Variants in FANK1 observed in about 807,000 individuals in gnomAD.
FANK1 encodes fibronectin type III and ankyrin repeat domains 1.
In FANK1, 44 loss-of-function variants were observed where a neutral mutation model predicts 45.3. The observed-to-expected ratio is 0.97, with a 90% CI of 0.76 to 1.25. The LOEUF (loss-of-function observed/expected upper bound fraction) is 1.25. Among genes scored for constraint, FANK1 ranks in the 50% most tolerant of loss-of-function variants. The pLI is 0.00. For missense variants in FANK1, 391 were observed against 424.4 expected, an observed-to-expected ratio of 0.92 and a Z score of 0.69; for synonymous variants, 149 against 152.5, an observed-to-expected ratio of 0.98 and a Z score of 0.17.
At chr10:125,902,272 T>TAA (rs1035166810) in intron 1 of FANK1, among the ~76,000 whole-genome samples, 2 of 152,168 alleles carry the variant, frequency 1.3e-5, no homozygotes, top group Non-Finnish European at 2.9e-5. Context: ...AATAATTAAA[T>TAA]AAAAAATTCT....
intron 1 of FANK1, among the ~76,000 whole-genome samples, chr10:125,955,005 G>A (rs551865386): frequency 9.9e-5 from 15 of 151,952 alleles, no homozygotes; most frequent in African/African-American, 2.9e-4. Flanking sequence ...AACAACTGCC[G>A]ACACTCATAA....
intron 1 of FANK1, among the ~76,000 whole-genome samples, chr10:125,949,266 C>T (rs981797248): frequency 2.0e-5 from 3 of 149,984 alleles, no homozygotes; most frequent in Admixed American, 6.6e-5. Flanking sequence ...AAGTTCTGGC[C>T]AGGGCAATTA....
At chr10:125,988,183 G>T (rs1386753001) in intron 2 of FANK1, among the ~76,000 whole-genome samples, 1 of 152,180 alleles carries the variant, frequency 6.6e-6, no homozygotes, top group African/African-American at 2.4e-5. Flanking sequence ...CCCATCACTA[G>T]ATGGCCCCCA....
chr10:126,001,307 G>T (rs1402937114), intron 6 of FANK1, among the ~76,000 whole-genome samples: 3 of 152,162 alleles, frequency 2.0e-5, no homozygotes, highest in Admixed American at 2.0e-4. Context: ...TATTTAGTAT[G>T]CCAATGCTGT....
At chr10:125,923,886 G>T (rs1031567928) in intron 1 of FANK1, among the ~76,000 whole-genome samples, 20 of 152,230 alleles carry the variant, frequency 1.3e-4, no homozygotes, top group African/African-American at 4.8e-4. Context: ...TCCTGTGCAA[G>T]ATTGTTTTTT....
intron 1 of FANK1, chr10:125,973,348 T>C (rs1181881577): frequency 4.0e-6 from 3 of 757,342 alleles, no homozygotes; most frequent in Non-Finnish European, 3.2e-6. Context: ...CATAACAGTC[T>C]ACCATTCCTG....
chr10:125,932,112 A>G (rs1264198906), intron 1 of FANK1, among the ~76,000 whole-genome samples: 2 of 152,124 alleles, frequency 1.3e-5, no homozygotes, highest in Non-Finnish European at 2.9e-5. Flanking sequence ...GCCTTATAGT[A>G]TAGTTTGAAA....
At chr10:125,926,384 C>G (rs201571297) in intron 1 of FANK1, among the ~76,000 whole-genome samples, 1,773 of 125,568 alleles carry the variant, frequency 0.014, no homozygotes, top group African/African-American at 0.054. Flanking sequence ...ACCACCATCA[C>G]CATCGTCAAG....
intron 1 of FANK1, among the ~76,000 whole-genome samples, chr10:125,956,366 A>T (rs10901477): frequency 0.37 from 56,098 of 152,110 alleles, 10,814 homozygotes; most frequent in Non-Finnish European, 0.44. Context: ...TTTATTGGAG[A>T]TATCCCTTGC....
At chr10:125,940,332 A>G (rs1035792171) in intron 1 of FANK1, among the ~76,000 whole-genome samples, 4 of 152,134 alleles carry the variant, frequency 2.6e-5, no homozygotes, top group African/African-American at 7.2e-5. Context: ...GGAGAAAGCA[A>G]GAAAACATGT....
At chr10:125,964,003 G>A (rs961801696) in intron 1 of FANK1, among the ~76,000 whole-genome samples, 64 of 152,170 alleles carry the variant, frequency 4.2e-4, no homozygotes, top group African/African-American at 1.5e-3. Flanking sequence ...CATGTATGCA[G>A]TACTTTGTTC....
intron 1 of FANK1, among the ~76,000 whole-genome samples, chr10:125,919,578 C>G (rs1327456453): frequency 6.6e-6 from 1 of 151,846 alleles, no homozygotes; most frequent in Non-Finnish European, 1.5e-5. Flanking sequence ...TTGAATAAGG[C>G]AGAATACTAA....
chr10:125,906,619 A>G (rs891983626), intron 1 of FANK1, among the ~76,000 whole-genome samples: 4 of 151,288 alleles, frequency 2.6e-5, no homozygotes, highest in Non-Finnish European at 4.4e-5. Flanking sequence ...CCAGTGCATT[A>G]GCAGTTAGCT....
At chr10:125,941,886 A>G (rs1948473599) in intron 1 of FANK1, among the ~76,000 whole-genome samples, 2 of 152,324 alleles carry the variant, frequency 1.3e-5, no homozygotes, top group South Asian at 4.1e-4. Flanking sequence ...CACTTTTATA[A>G]ATCATAGGGA....
rs1017383967 is a variant in FANK1 at position 125,920,358 on chromosome 10, G to C, written c.13+23703G>C. Among the ~76,000 whole-genome samples the C allele has an allele frequency of 1.2e-4, 18 of 152,144 alleles. 1 individual carries two copies. Among genetic ancestry groups the C allele is most frequent in the African/African-American group, 4.3e-4 (18 of 41,414 alleles). ...CTTCTAGAAGTTAGAAGTGACTTTG[G>C]ATTAAGTCTTTCATAAGGTGGCTAA... On this transcript the variant is annotated intron_variant, in intron 1 of 10. Coordinates refer to ENST00000368693, the MANE Select transcript of FANK1 (RefSeq NM_145235.5).
chr10:126,000,299 CT>C (rs1952660344), intron 6 of FANK1, among the ~76,000 whole-genome samples: 1 of 152,064 alleles, frequency 6.6e-6, no homozygotes, highest in Non-Finnish European at 1.5e-5. Context: ...TCTACTAAAA[CT>C]TTGTCAAGGA....
chr10:125,957,026 TTTC>T (rs1233161126), intron 1 of FANK1, among the ~76,000 whole-genome samples: 1 of 152,090 alleles, frequency 6.6e-6, no homozygotes, highest in African/African-American at 2.4e-5. Context: ...ACCCGGCTGT[TTTC>T]TATTTTTAGT....
chr10:126,003,795 C>T (rs774861960), intron 6 of FANK1, among the ~76,000 whole-genome samples: 1 of 152,086 alleles, frequency 6.6e-6, no homozygotes, highest in Non-Finnish European at 1.5e-5. Flanking sequence ...CCTGCCTCAG[C>T]CTCCTGAGTA....
chr10:126,004,986 G>C lies in FANK1; in HGVS notation c.642G>C (p.Leu214=), dbSNP rs137911829. The change falls in exon 7 of 11, where the codon CTG becomes CTC. Residue 214 remains leucine, a synonymous_variant. Transcript: ENST00000368693. ...GAGACCTGGGAGGCTGTACAGCTCT[G>C]CACTGGGCTGCAGATGGAGGCCACT... The part of the protein sequence containing the change: ...QARDLGGCTA[L]HWAADGGHCS... 6 of 1,614,074 alleles carry C rather than the reference G, an allele frequency of 3.7e-6. No individual in the cohort carries two copies. The highest frequency in any genetic ancestry group is 5.1e-6 in the Non-Finnish European group (6 of 1,180,038).
Sources: gnomAD v4.1 joint callset for allele counts (sites outside exome capture counted in the v4.1 genomes callset) on GRCh38, gnomAD v4.1.1 for gene constraint, MANE v1.5 for transcripts, NCBI Gene and HGNC (gene_info 2026-07-23, HGNC 2026-07-21) for gene names.